The following UNC5C variants were observed in gnomAD, a reference collection of about 807,000 sequenced individuals.
The protein encoded by UNC5C is netrin receptor UNC5C.
UNC5C carries 47 observed loss-of-function variants against 99.8 expected under a neutral mutation model. That is an observed-to-expected ratio of 0.47 (90% CI 0.37 to 0.60). The LOEUF (loss-of-function observed/expected upper bound fraction) is 0.60, where lower values mean the gene tolerates loss of function less well. Ranked by LOEUF, UNC5C falls within the 20% of genes least tolerant of loss-of-function variation. UNC5C has a pLI of 0.00. For missense variants in UNC5C, 1,062 were observed against 1,165.9 expected (o/e 0.91, Z 1.30); for synonymous variants, 487 against 452.2 (o/e 1.08, Z -0.98).
intron 1 of UNC5C, among the ~76,000 whole-genome samples, chr4:95,363,555 T>G (rs1244406703): frequency 6.6e-6 from 1 of 151,890 alleles, no homozygotes; most frequent in Non-Finnish European, 1.5e-5. Context: ...GTTTTGATAG[T>G]GATTAATTGC....
intron 11 of UNC5C, among the ~76,000 whole-genome samples, chr4:95,203,226 G>T (rs190474475): frequency 6.6e-6 from 1 of 152,154 alleles, no homozygotes; most frequent in African/African-American, 2.4e-5. Flanking sequence ...AAATCTGTAC[G>T]TGTGAAAAGA....
chr4:95,525,613 A>AC (rs1326282336), intron 1 of UNC5C, among the ~76,000 whole-genome samples: 1 of 151,240 alleles, frequency 6.6e-6, no homozygotes, highest in African/African-American at 2.4e-5. Flanking sequence ...AAAAAAAAAA[A>AC]AAAAAGACAT....
At chr4:95,351,227 G>A (rs1427349888) in intron 1 of UNC5C, among the ~76,000 whole-genome samples, 1 of 151,732 alleles carries the variant, frequency 6.6e-6, no homozygotes, top group Non-Finnish European at 1.5e-5. Flanking sequence ...TCTTCCCCAT[G>A]AGATGGCATG....
intron 1 of UNC5C, among the ~76,000 whole-genome samples, chr4:95,443,305 A>G (rs1254082001): frequency 6.6e-6 from 1 of 152,160 alleles, no homozygotes; most frequent in African/African-American, 2.4e-5. Flanking sequence ...AGGGCCTCAG[A>G]GGTCTTTGTG....
At chr4:95,226,139 G>A (rs1388429760) in intron 7 of UNC5C, among the ~76,000 whole-genome samples, 2 of 152,142 alleles carry the variant, frequency 1.3e-5, no homozygotes, top group African/African-American at 4.8e-5. Flanking sequence ...GGTTGCTACC[G>A]ACAGCCTGGT....
chr4:95,294,750 T>C (rs1274145210), intron 3 of UNC5C, among the ~76,000 whole-genome samples: 1 of 152,208 alleles, frequency 6.6e-6, no homozygotes, highest in African/African-American at 2.4e-5. Flanking sequence ...AGTATTGATG[T>C]TTCAAAATAA....
chr4:95,427,689 T>C (rs534237317), intron 1 of UNC5C, among the ~76,000 whole-genome samples: 1 of 152,322 alleles, frequency 6.6e-6, no homozygotes, highest in African/African-American at 2.4e-5. Flanking sequence ...CTCAGGATAG[T>C]GTAAACATTA....
chr4:95,414,618 A>C (rs1207123463), intron 1 of UNC5C, among the ~76,000 whole-genome samples: 3 of 152,226 alleles, frequency 2.0e-5, no homozygotes, highest in Non-Finnish European at 4.4e-5. Flanking sequence ...GGATGTGAAC[A>C]CTTCGTGATG....
chr4:95,226,964 T>G (rs1738723204), intron 7 of UNC5C, among the ~76,000 whole-genome samples: 1 of 152,068 alleles, frequency 6.6e-6, no homozygotes, highest in Non-Finnish European at 1.5e-5. Context: ...CCTCCCTTGA[T>G]AACAACTTTC....
intron 1 of UNC5C, among the ~76,000 whole-genome samples, chr4:95,426,291 A>G (rs762813759): frequency 3.3e-5 from 5 of 152,222 alleles, no homozygotes; most frequent in Non-Finnish European, 5.9e-5. Context: ...CCACACTCAT[A>G]TAAGACAGTA....
intron 1 of UNC5C, among the ~76,000 whole-genome samples, chr4:95,369,249 A>G (rs1302563261): frequency 3.9e-5 from 6 of 151,964 alleles, no homozygotes; most frequent in Non-Finnish European, 8.8e-5. Context: ...TTTTCATAAA[A>G]TTTATAGTTC....
At chr4:95,199,646 A>T (rs1173768434) in intron 12 of UNC5C, among the ~76,000 whole-genome samples, 1 of 152,100 alleles carries the variant, frequency 6.6e-6, no homozygotes. Context: ...CTATTTTTGC[A>T]TGTATTTGTG....
chr4:95,335,337 A>C, intron 2 of UNC5C, 73 bp downstream of exon 2: 1 of 1,319,036 alleles, frequency 7.6e-7, no homozygotes, highest in East Asian at 2.4e-5. Flanking sequence ...AATTGAAATA[A>C]CAGTATGTCC....
intron 3 of UNC5C, among the ~76,000 whole-genome samples, chr4:95,288,400 C>G (rs1231119229): frequency 6.6e-6 from 1 of 152,140 alleles, no homozygotes; most frequent in African/African-American, 2.4e-5. Context: ...GATTATATAA[C>G]TAGAACTGTG....
At chr4:95,243,577 C>A (rs192357181) in intron 6 of UNC5C, among the ~76,000 whole-genome samples, 1 of 152,120 alleles carries the variant, frequency 6.6e-6, no homozygotes, top group East Asian at 1.9e-4. Context: ...ACACCTTAAC[C>A]TTTTATATCT....
intron 1 of UNC5C, among the ~76,000 whole-genome samples, chr4:95,532,430 T>C (rs535264574): frequency 1.0e-4 from 15 of 147,426 alleles, no homozygotes; most frequent in African/African-American, 3.8e-4. Flanking sequence ...CAACAAAATA[T>C]GCATTCACCC....
chr4:95,244,275 T>C (rs1560750361), intron 6 of UNC5C, among the ~76,000 whole-genome samples: 1 of 152,212 alleles, frequency 6.6e-6, no homozygotes, highest in Non-Finnish European at 1.5e-5. Flanking sequence ...TTTAAAGGGT[T>C]TTGTTTTTGC....
At chr4:95,414,537 A>G (rs923133780) in intron 1 of UNC5C, among the ~76,000 whole-genome samples, 3 of 152,254 alleles carry the variant, frequency 2.0e-5, no homozygotes, top group African/African-American at 7.2e-5. Context: ...AATACCTAGC[A>G]ACGAAGGTCC....
At chr4:95,247,528 A>G (rs1159317451) in intron 5 of UNC5C, among the ~76,000 whole-genome samples, 1 of 152,186 alleles carries the variant, frequency 6.6e-6, no homozygotes. Context: ...AATAATCAGA[A>G]ATTTTCAGAG....
Sources: gnomAD v4.1 joint callset for allele counts (sites outside exome capture counted in the v4.1 genomes callset) on GRCh38, gnomAD v4.1.1 for gene constraint, MANE v1.5 for transcripts, NCBI Gene and HGNC (gene_info 2026-07-23, HGNC 2026-07-21) for gene names.